AKAP6: variants seen among roughly 807,000 people sequenced by gnomAD.
The protein encoded by AKAP6 is A-kinase anchor protein 6.
A neutral mutation model predicts 188.5 loss-of-function variants in AKAP6; 58 were observed. The observed-to-expected ratio is 0.31, with a 90% CI of 0.25 to 0.38. The LOEUF is 0.38. Among genes scored for constraint, AKAP6 ranks in the 10% least tolerant of loss-of-function variants. The pLI, the probability that AKAP6 is intolerant of heterozygous loss-of-function variation, is 1.00. For missense variants in AKAP6, 2,710 were observed against 2,740.0 expected, an observed-to-expected ratio of 0.99 and a Z score of 0.24; for synonymous variants, 989 against 998.6, an observed-to-expected ratio of 0.99 and a Z score of 0.18.
chr14:32,462,652 G>A (rs971984218), intron 2 of AKAP6, among the ~76,000 whole-genome samples: 3 of 152,020 alleles, frequency 2.0e-5, no homozygotes, highest in East Asian at 1.9e-4. Context: ...ATTACACTAC[G>A]AAGAAACTGC....
At chr14:32,809,769 G>C (rs779050906) in intron 12 of AKAP6, among the ~76,000 whole-genome samples, 1 of 152,158 alleles carries the variant, frequency 6.6e-6, no homozygotes, top group Non-Finnish European at 1.5e-5. Context: ...GAAACTATCT[G>C]CAGGTAAACA....
In AKAP6 at chr14:32,516,089, C is replaced by T. The variant is rs183033462; in HGVS notation, c.325-19465C>T. Among the ~76,000 whole-genome samples the T allele has an allele frequency of 8.1e-4, 124 of 152,314 alleles. 1 individual carries two copies. The highest frequency in any genetic ancestry group is 2.8e-3 in the African/African-American group (115 of 41,564). On this transcript the variant is annotated intron_variant, in intron 2 of 13. Coordinates refer to ENST00000280979, the MANE Select transcript of AKAP6 (RefSeq NM_004274.5). ...AAAGAAAAACAAAAGAGTGCTTCAC[C>T]TGGCATACCTAGCATTAGAGTTGAG...
intron 12 of AKAP6, among the ~76,000 whole-genome samples, chr14:32,793,111 C>A (rs2033658825): frequency 6.6e-6 from 1 of 152,082 alleles, no homozygotes; most frequent in Non-Finnish European, 1.5e-5. Context: ...ATGAAGCAAC[C>A]ACATAAACAA....
At chr14:32,385,775 A>G (rs138552879) in intron 1 of AKAP6, among the ~76,000 whole-genome samples, 69 of 151,248 alleles carry the variant, frequency 4.6e-4, no homozygotes, top group African/African-American at 1.6e-3. Context: ...TTCATCATAT[A>G]TATATGAGAT....
At chr14:32,682,970 G>T (rs1190259906) in intron 8 of AKAP6, among the ~76,000 whole-genome samples, 1 of 136,094 alleles carries the variant, frequency 7.3e-6, no homozygotes, top group Non-Finnish European at 1.6e-5. Flanking sequence ...CATCCCAGGT[G>T]ATTCTTTTTT....
intron 7 of AKAP6, among the ~76,000 whole-genome samples, chr14:32,664,302 G>C (rs1888828589): frequency 1.3e-5 from 2 of 152,076 alleles, no homozygotes; most frequent in Non-Finnish European, 2.9e-5. Context: ...TGATAAAGAG[G>C]ATACAAATTC....
chr14:32,600,915 C>A, intron 7 of AKAP6, 123 bp downstream of exon 7: 1 of 812,148 alleles, frequency 1.2e-6, no homozygotes, highest in Non-Finnish European at 1.8e-6. Context: ...TTATATCTCT[C>A]TCTATATATA....
chr14:32,741,833 T>C (rs1170107357), intron 11 of AKAP6, among the ~76,000 whole-genome samples: 1 of 147,830 alleles, frequency 6.8e-6, no homozygotes, highest in African/African-American at 2.5e-5. Flanking sequence ...TTTTTTTTTT[T>C]TTTTTTTTTT....
chr14:32,660,182 G>A (rs776392888), intron 7 of AKAP6, among the ~76,000 whole-genome samples: 5 of 152,084 alleles, frequency 3.3e-5, no homozygotes, highest in Non-Finnish European at 5.9e-5. Context: ...TGTCACACCG[G>A]TTTAACATTG....
chr14:32,566,400 GC>G (rs1336066255), intron 4 of AKAP6, among the ~76,000 whole-genome samples: 7 of 151,962 alleles, frequency 4.6e-5, no homozygotes, highest in Non-Finnish European at 1.0e-4. Context: ...GCTCAAAGAA[GC>G]AAAAACTTTC....
intron 7 of AKAP6, among the ~76,000 whole-genome samples, chr14:32,663,940 C>T (rs1888812369): frequency 6.6e-6 from 1 of 152,032 alleles, no homozygotes; most frequent in Non-Finnish European, 1.5e-5. Flanking sequence ...AATGTGTCTG[C>T]TTTGGACAAT....
chr14:32,785,774 C>T (rs984856345), intron 12 of AKAP6, among the ~76,000 whole-genome samples: 6 of 152,100 alleles, frequency 3.9e-5, no homozygotes, highest in Admixed American at 2.6e-4. Flanking sequence ...CAGATTCTTA[C>T]GTCATCTGTA....
intron 1 of AKAP6, among the ~76,000 whole-genome samples, chr14:32,406,611 G>A (rs1211415237): frequency 1.3e-5 from 2 of 152,144 alleles, no homozygotes; most frequent in Admixed American, 6.5e-5. Context: ...TAGCCCTGGT[G>A]TTAATAAAAA....
intron 1 of AKAP6, among the ~76,000 whole-genome samples, chr14:32,432,361 ATAAT>A (rs1237511925): frequency 6.6e-6 from 1 of 152,352 alleles, no homozygotes; most frequent in East Asian, 1.9e-4. Context: ...TAATAGCTGG[ATAAT>A]TAAACTAATT....
intron 7 of AKAP6, among the ~76,000 whole-genome samples, chr14:32,628,821 G>T (rs1003921057): frequency 1.3e-5 from 2 of 151,838 alleles, no homozygotes; most frequent in Non-Finnish European, 2.9e-5. Flanking sequence ...TCTGTGTGTT[G>T]CTGTTTCTAT....
chr14:32,762,314 A>G (rs1319466830), intron 11 of AKAP6, among the ~76,000 whole-genome samples: 2 of 152,158 alleles, frequency 1.3e-5, no homozygotes, highest in Non-Finnish European at 2.9e-5. Flanking sequence ...TTTTCTTTAG[A>G]GTAACTTAAT....
At chr14:32,790,210 T>TA (rs1245825494) in intron 12 of AKAP6, among the ~76,000 whole-genome samples, 1 of 152,058 alleles carries the variant, frequency 6.6e-6, no homozygotes, top group Non-Finnish European at 1.5e-5. Context: ...CTCTGAGAAA[T>TA]ATGAGATTAT....
intron 1 of AKAP6, among the ~76,000 whole-genome samples, chr14:32,393,469 C>G (rs1321855464): frequency 1.3e-5 from 2 of 151,988 alleles, no homozygotes; most frequent in Non-Finnish European, 2.9e-5. Context: ...CTGAATAGAT[C>G]CTGGACCAGA....
At chr14:32,639,828 A>G (rs141049113) in intron 7 of AKAP6, among the ~76,000 whole-genome samples, 62 of 152,218 alleles carry the variant, frequency 4.1e-4, no homozygotes, top group African/African-American at 1.5e-3. Flanking sequence ...CTGAAAGAGT[A>G]TTAGTGATTA....
Sources: allele counts gnomAD v4.1 joint callset (sites outside exome capture counted in the v4.1 genomes callset), GRCh38; gene constraint gnomAD v4.1.1; transcripts MANE v1.5; gene names NCBI Gene and HGNC (gene_info 2026-07-23, HGNC 2026-07-21).